Variants in MOCS3 observed in about 807,000 individuals in gnomAD.
The protein encoded by MOCS3 is adenylyltransferase and sulfurtransferase MOCS3.
MOCS3 carries 9 observed loss-of-function variants against 8.4 expected under a neutral mutation model. The ratio of observed to expected loss-of-function variants is 1.07; its 90% CI spans 0.65 to 1.87. The LOEUF (loss-of-function observed/expected upper bound fraction) is 1.87. Among genes scored for constraint, MOCS3 ranks in the 40% most tolerant of loss-of-function variants. MOCS3 has a pLI of 0.00. For synonymous variants in MOCS3, 294 were observed against 272.0 expected, an observed-to-expected ratio of 1.08 and a Z score of -0.80; for missense variants, 581 against 599.7, an observed-to-expected ratio of 0.97 and a Z score of 0.33.
At position 50,959,916 on chromosome 20, in the gene MOCS3, T is replaced by A. The variant is rs771100021; in HGVS notation, c.1074T>A (p.Pro358=). 6.2e-7 allele frequency: 1 copy of A among 1,614,250 alleles called. No homozygotes were observed. The highest frequency in any genetic ancestry group is 8.5e-7 in the Non-Finnish European group (1 of 1,180,042). The stretch of plus-strand genomic sequence containing the variant: ...TCCACCTGTTGCTGGACGTCAGGCC[T>A]CAGGTGGAGGTGGACATTTGTCGTT... ...GAFHLLLDVR[P]QVEVDICRLP... The change falls in exon 1 of 1, where the codon CCT becomes CCA. Residue 358 remains proline, a synonymous_variant. Transcript: ENST00000244051.
In MOCS3 at chr20:50,961,800, CTT is replaced by C. The variant is rs1987108071; in HGVS notation, c.*1576_*1577del. 6.6e-6 allele frequency: 1 copy of C among 152,204 alleles called. No homozygotes were observed. Among genetic ancestry groups the C allele is most frequent in the Non-Finnish European group, 1.5e-5 (1 of 68,046 alleles). 9.4% of individuals were successfully genotyped at this position (152,204 alleles called of 1,614,324 possible). ...TCTGTTATAAAGATGAAGCAGGTCT[CTT>C]ATGACTGTTCCTGCCAACGAGTTAT... is the stretch of plus-strand genomic sequence containing the variant. On this transcript the variant is annotated 3_prime_UTR_variant, in exon 1 of 1. Transcript: ENST00000244051.
At position 50,959,940 on chromosome 20, in the gene MOCS3, TTTGCC is replaced by T; in HGVS notation, c.1100_1104del (p.Leu367SerfsTer49). ...CTCAGGTGGAGGTGGACATTTGTCG[TTTGCC>T]TCATGCCCTACACATCCCTCTGAAA... On this transcript the variant is annotated frameshift_variant, in exon 1 of 1. Transcript: ENST00000244051. LOFTEE classifies it high-confidence loss of function. The T allele has an allele frequency of 6.2e-7, 1 of 1,614,248 alleles. No homozygotes were observed. Among genetic ancestry groups the T allele is most frequent in the Non-Finnish European group, 8.5e-7 (1 of 1,180,044 alleles).
In MOCS3 at chr20:50,960,026, A is replaced by G. The variant is rs1987063511; in HGVS notation, c.1184A>G (p.Glu395Gly). 3 of 1,614,158 alleles carry G rather than the reference A, an allele frequency of 1.9e-6. No homozygotes were observed. Among genetic ancestry groups the G allele is most frequent in the Non-Finnish European group, 2.5e-6 (3 of 1,180,058 alleles). The change falls in exon 1 of 1, where the codon GAA becomes GGA. Residue 395 changes from glutamate (E) to glycine (G), a missense_variant. By Grantham distance (98) the Glu-to-Gly change is moderately conservative. Coordinates refer to ENST00000244051, the MANE Select transcript of MOCS3 (RefSeq NM_014484.5). Reference protein sequence around the residue: ...SLKLLKEAIWEEKQGTQEGAA... With the variant: ...SLKLLKEAIWGEKQGTQEGAA... ...AAACTCTTAAAAGAAGCAATCTGGG[A>G]AGAGAAGCAGGGCACACAAGAAGGG...
rs180818013 is a variant in MOCS3 at position 50,962,615 on chromosome 20, T to A, written c.*2390T>A. ...GGCTGGATGGAGTGCAGCGGCACAA[T>A]CTCGGCTCACTGCAACCTCCACCTC... On this transcript the variant is annotated 3_prime_UTR_variant, in exon 1 of 1. Coordinates refer to ENST00000244051, the MANE Select transcript of MOCS3 (RefSeq NM_014484.5). 12 of 152,406 alleles carry A rather than the reference T, an allele frequency of 7.9e-5. No homozygotes were observed. In the East Asian group the frequency reaches 2.3e-3, roughly 29 times the overall value. The allele number at this position is 152,406 out of a possible 1,614,324, so 9.4% of individuals were successfully genotyped here.
chr20:50,959,361 T>C lies in MOCS3; in HGVS notation c.519T>C (p.Tyr173=). The C allele has an allele frequency of 1.2e-6, 2 of 1,611,590 alleles. No homozygotes were observed. The highest frequency in any genetic ancestry group is 1.7e-6 in the Non-Finnish European group (2 of 1,178,588). The change falls in exon 1 of 1, where the codon TAT becomes TAC. Residue 173 remains tyrosine (Y), a synonymous_variant. Coordinates refer to ENST00000244051, the MANE Select transcript of MOCS3 (RefSeq NM_014484.5). ...CTGCCCTAGACCTGGTCCGCCGATATGATGTGGTGGCTGACTGCTCGGACA... is the reference window on the plus strand; with the variant it reads ...CTGCCCTAGACCTGGTCCGCCGATACGATGTGGTGGCTGACTGCTCGGACA... ...PATALDLVRR[Y]DVVADCSDNV... is the part of the protein sequence containing the mutation.
In MOCS3 at chr20:50,963,877, A is replaced by G. The variant is rs1189791965; in HGVS notation, c.*3652A>G. 1 of 152,238 alleles carries G rather than the reference A, an allele frequency of 6.6e-6. No individual in the cohort carries two copies. Among genetic ancestry groups the G allele is most frequent in the Admixed American group, 6.5e-5 (1 of 15,282 alleles). 9.4% of individuals were successfully genotyped at this position (152,238 alleles called of 1,614,324 possible). A position where few individuals can be genotyped will look rare whatever the true frequency, so the allele number is the denominator to read the frequency against. On this transcript the variant is annotated 3_prime_UTR_variant, in exon 1 of 1. Coordinates refer to ENST00000244051, the MANE Select transcript of MOCS3 (RefSeq NM_014484.5). ...CCTGTCAGGGCATAGAAAGCAATCT[A>G]TGTCCTGACAATCACGGAAGTGTAT...
In MOCS3 at chr20:50,958,955, C is replaced by T. The variant is rs1294726517; in HGVS notation, c.113C>T (p.Pro38Leu). Residue 38 changes from proline (P) to leucine (L), a missense_variant, in exon 1 of 1, where the codon CCG (proline) becomes CTG (leucine). Transcript: ENST00000244051. ...TCGGCTCTTTTGGCTGAGCAGGAACCGCAGCCAGAACGGCTGGTTCCGGTG... is the reference window on the plus strand; with the variant it reads ...TCGGCTCTTTTGGCTGAGCAGGAACTGCAGCCAGAACGGCTGGTTCCGGTG... ...LASALLAEQE[P>L]QPERLVPVSP... The T allele has an allele frequency of 1.9e-6, 3 of 1,610,688 alleles. No homozygotes were observed. Among genetic ancestry groups the T allele is most frequent in the East Asian group, 2.2e-5 (1 of 44,802 alleles).
At position 50,963,785 on chromosome 20, in the gene MOCS3, A is replaced by T. The variant is rs976404972; in HGVS notation, c.*3560A>T. The stretch of plus-strand genomic sequence containing the variant: ...TCCAGATGCTCTGGTTGAAGAGCCC[A>T]TTCCCTAAGTGTCATGCTATACTGA... On this transcript the variant is annotated 3_prime_UTR_variant, in exon 1 of 1. Coordinates refer to ENST00000244051, the MANE Select transcript of MOCS3 (RefSeq NM_014484.5). 3 of 152,252 alleles carry T rather than the reference A, an allele frequency of 2.0e-5. No homozygotes were observed. The highest frequency in any genetic ancestry group is 2.1e-4 in the South Asian group (1 of 4,834). 9.4% of individuals were successfully genotyped at this position (152,252 alleles called of 1,614,324 possible).
In MOCS3 at chr20:50,961,110, C is replaced by A. The variant is rs1601070142; in HGVS notation, c.*885C>A. On this transcript the variant is annotated 3_prime_UTR_variant, in exon 1 of 1. Coordinates refer to ENST00000244051, the MANE Select transcript of MOCS3 (RefSeq NM_014484.5). ...GTCTGTCAGTGTCTCTTATAAATTGCTACTGTTTTCTTAAAGTTAACTTCA... is the reference window on the plus strand; with the variant it reads ...GTCTGTCAGTGTCTCTTATAAATTGATACTGTTTTCTTAAAGTTAACTTCA... 1 of 167,020 alleles carries A rather than the reference C, an allele frequency of 6.0e-6. No individual in the cohort carries two copies. The highest frequency in any genetic ancestry group is 6.5e-5 in the Admixed American group (1 of 15,292). The allele number at this position is 167,020 out of a possible 1,614,324, so 10.3% of individuals were successfully genotyped here.
In MOCS3 at chr20:50,960,409, AT is replaced by A; in HGVS notation, c.*186del. The stretch of plus-strand genomic sequence containing the variant: ...TATTGGATGAATGACTTATTAATGG[AT>A]TATACCGTTTCTGAGAACCATCATT... On this transcript the variant is annotated 3_prime_UTR_variant, in exon 1 of 1. Coordinates refer to ENST00000244051, the MANE Select transcript of MOCS3 (RefSeq NM_014484.5). The A allele has an allele frequency of 1.8e-6, 1 of 566,670 alleles. No individual in the cohort carries two copies. Among genetic ancestry groups the A allele is most frequent in the Non-Finnish European group, 3.0e-6 (1 of 338,822 alleles). 35.1% of individuals were successfully genotyped at this position (566,670 alleles called of 1,614,324 possible).
In MOCS3 at chr20:50,960,535, A is replaced by C. The variant is rs1987083173; in HGVS notation, c.*310A>C. ...GATCATTTACATGTCCTTATTTTCCACCTCCCCCAGTCAAAATGCTTTCTA... is the reference window on the plus strand; with the variant it reads ...GATCATTTACATGTCCTTATTTTCCCCCTCCCCCAGTCAAAATGCTTTCTA... On this transcript the variant is annotated 3_prime_UTR_variant, in exon 1 of 1. Coordinates refer to ENST00000244051, the MANE Select transcript of MOCS3 (RefSeq NM_014484.5). The C allele has an allele frequency of 7.7e-6, 2 of 258,838 alleles. No individual in the cohort carries two copies. The highest frequency in any genetic ancestry group is 2.4e-4 in the South Asian group (2 of 8,212). 16.0% of individuals were successfully genotyped at this position (258,838 alleles called of 1,614,324 possible). A position where few individuals can be genotyped will look rare whatever the true frequency, so the allele number is the denominator to read the frequency against.
In MOCS3 at chr20:50,960,186, C is replaced by T; in HGVS notation, c.1344C>T (p.Ala448=). ...TVRDVVGGLM[A]WAAKIDGTFP... ...GGGATGTTGTGGGGGGCCTCATGGC[C>T]TGGGCTGCCAAAATCGATGGAACAT... is the stretch of plus-strand genomic sequence containing the variant. Residue 448 remains alanine (A), a synonymous_variant, in exon 1 of 1, where the codon GCC becomes GCT. Transcript: ENST00000244051. 6.2e-7 allele frequency: 1 copy of T among 1,613,940 alleles called. No individual in the cohort carries two copies. Among genetic ancestry groups the T allele is most frequent in the Non-Finnish European group, 8.5e-7 (1 of 1,179,862 alleles).
chr20:50,961,599 C>G lies in MOCS3; in HGVS notation c.*1374C>G, dbSNP rs556746325. 6.6e-6 allele frequency: 1 copy of G among 152,152 alleles called. No homozygotes were observed. Among genetic ancestry groups the G allele is most frequent in the African/African-American group, 2.4e-5 (1 of 41,494 alleles). 9.4% of individuals were successfully genotyped at this position (152,152 alleles called of 1,614,324 possible). A position where few individuals can be genotyped will look rare whatever the true frequency, so the allele number is the denominator to read the frequency against. On this transcript the variant is annotated 3_prime_UTR_variant, in exon 1 of 1. Transcript: ENST00000244051. ...TTTTAAAGCTTAAATGTATCATAAGCCAGCAAAAACCCTTTGTAGACCAGA... is the reference window on the plus strand; with the variant it reads ...TTTTAAAGCTTAAATGTATCATAAGGCAGCAAAAACCCTTTGTAGACCAGA...
Position 50,960,089 on chromosome 20 carries a change from A to C in MOCS3, c.1247A>C (p.Asn416Thr), listed in dbSNP as rs1012994416. 1 of 1,614,284 alleles carries C rather than the reference A, an allele frequency of 6.2e-7. No individual in the cohort carries two copies. The highest frequency in any genetic ancestry group is 1.7e-5 in the Admixed American group (1 of 60,034). Residue 416 changes from asparagine (N) to threonine (T), a missense_variant, in exon 1 of 1, where the codon AAT becomes ACT. Asn to Thr is a moderately conservative substitution (Grantham distance 65). Transcript: ENST00000244051. ...ATTTATGTGATTTGCAAACTGGGAA[A>C]TGACTCACAGAAAGCCGTGAAGATC... Reference protein sequence around the residue: ...VPIYVICKLGNDSQKAVKILQ... With the variant: ...VPIYVICKLGTDSQKAVKILQ...
Position 50,960,331 on chromosome 20 carries a change from G to C in MOCS3, c.*106G>C, listed in dbSNP as rs556417017. On this transcript the variant is annotated 3_prime_UTR_variant, in exon 1 of 1. Coordinates refer to ENST00000244051, the MANE Select transcript of MOCS3 (RefSeq NM_014484.5). ...ATACATAGGAGCTGGGGATTCTACA[G>C]TATCTGTGAATACGTGGACTCCTTT... 8 of 1,216,872 alleles carry C rather than the reference G, an allele frequency of 6.6e-6. No homozygotes were observed. The highest frequency in any genetic ancestry group is 3.0e-5 in the Admixed American group (1 of 33,210). The allele number at this position is 1,216,872 out of a possible 1,614,324, so 75.4% of individuals were successfully genotyped here. A position where few individuals can be genotyped will look rare whatever the true frequency, so the allele number is the denominator to read the frequency against.
Position 50,963,156 on chromosome 20 carries a change from G to T in MOCS3, c.*2931G>T, listed in dbSNP as rs1484141188. ...GCCTAGGCTGATCTCAAACTCCTGG[G>T]CTCAAGCATCCCTCCTGCCTCAGCC... On this transcript the variant is annotated 3_prime_UTR_variant, in exon 1 of 1. Transcript: ENST00000244051. 1 of 151,654 alleles carries T rather than the reference G, an allele frequency of 6.6e-6. No individual in the cohort carries two copies. Among genetic ancestry groups the T allele is most frequent in the African/African-American group, 2.4e-5 (1 of 41,280 alleles). The allele number at this position is 151,654 out of a possible 1,614,324, so 9.4% of individuals were successfully genotyped here.
chr20:50,959,635 G>T lies in MOCS3; in HGVS notation c.793G>T (p.Ala265Ser). Residue 265 changes from alanine (A) to serine (S), a missense_variant, in exon 1 of 1, where the codon GCG becomes TCG. Coordinates refer to ENST00000244051, the MANE Select transcript of MOCS3 (RefSeq NM_014484.5). ...GGCCTTGGAAGTGCTGAAAATCGCT[G>T]CGGGTCTGGGCCCCTCTTACAGTGG... ...LQALEVLKIA[A>S]GLGPSYSGSL... 1 of 1,614,200 alleles carries T rather than the reference G, an allele frequency of 6.2e-7. No individual in the cohort carries two copies. Among genetic ancestry groups the T allele is most frequent in the Non-Finnish European group, 8.5e-7 (1 of 1,180,034 alleles).
rs1215492084 is a variant in MOCS3 at position 50,961,169 on chromosome 20, T to G, written c.*944T>G. 6.0e-6 allele frequency: 1 copy of G among 167,110 alleles called. No homozygotes were observed. The highest frequency in any genetic ancestry group is 1.5e-5 in the Non-Finnish European group (1 of 68,110). The allele number at this position is 167,110 out of a possible 1,614,324, so 10.4% of individuals were successfully genotyped here. Reference sequence around the variant, plus strand: ...CTTATGTTGCACACATATCACATCGTTTAAATTGCATACTATGGTTTGACT... The same window carrying G: ...CTTATGTTGCACACATATCACATCGGTTAAATTGCATACTATGGTTTGACT... On this transcript the variant is annotated 3_prime_UTR_variant, in exon 1 of 1. Coordinates refer to ENST00000244051, the MANE Select transcript of MOCS3 (RefSeq NM_014484.5).
rs143033040 is a variant in MOCS3, at chr20:50,961,475, A to G, written c.*1250A>G. 4.8e-4 allele frequency: 73 copies of G among 152,484 alleles called. 1 individual carries two copies. Among genetic ancestry groups the G allele is most frequent in the African/African-American group, 1.6e-3 (65 of 41,566 alleles). The allele number at this position is 152,484 out of a possible 1,614,324, so 9.4% of individuals were successfully genotyped here. A position where few individuals can be genotyped will look rare whatever the true frequency, so the allele number is the denominator to read the frequency against. On this transcript the variant is annotated 3_prime_UTR_variant, in exon 1 of 1. Coordinates refer to ENST00000244051, the MANE Select transcript of MOCS3 (RefSeq NM_014484.5). ...GGGCCTGTGACCTCCTGCTTGCTGCATGCAGGCTTATAATCATCAATTGCT... is the reference window on the plus strand; with the variant it reads ...GGGCCTGTGACCTCCTGCTTGCTGCGTGCAGGCTTATAATCATCAATTGCT...
Sources: gnomAD v4.1 joint callset for allele counts on GRCh38, gnomAD v4.1.1 for gene constraint, MANE v1.5 for transcripts, NCBI Gene and HGNC (gene_info 2026-07-23, HGNC 2026-07-21) for gene names.